Variants in PTPN23 observed in about 807,000 individuals in gnomAD.
PTPN23 encodes protein tyrosine phosphatase non-receptor type 23.
PTPN23 carries 72 observed loss-of-function variants against 156.3 expected under a neutral mutation model. That is an observed-to-expected ratio of 0.46 (90% CI 0.38 to 0.56). The LOEUF (loss-of-function observed/expected upper bound fraction) is 0.56. Ranked by LOEUF, PTPN23 falls within the 20% of genes least tolerant of loss-of-function variation. PTPN23 has a pLI of 0.00. For synonymous variants in PTPN23, 957 were observed against 899.6 expected (o/e 1.06, Z -1.14); for missense variants, 1,974 against 2,171.5 (o/e 0.91, Z 1.81).
chr3:47,391,452 G>A (rs1223289525), intron 1 of PTPN23, among the ~76,000 whole-genome samples: 5 of 152,140 alleles, frequency 3.3e-5, no homozygotes, highest in African/African-American at 2.4e-5. Context: ...TGATAATAGT[G>A]TCTACCTCTT....
intron 21 of PTPN23, 62 bp downstream of exon 21, chr3:47,412,029 G>A (rs1328060492): frequency 3.1e-6 from 5 of 1,607,926 alleles, no homozygotes; most frequent in South Asian, 1.1e-5. Context: ...TTGGTGCTGG[G>A]AGGGATGAGA....
At position 47,412,159 on chromosome 3, in the gene PTPN23, A is replaced by C. The variant is rs1462023084; in HGVS notation, c.4139A>C (p.His1380Pro). ...FIQEVHAHYL[H>P]QRPLHTPIIV... is the part of the protein sequence containing the mutation. Reference sequence around the variant, plus strand: ...CAGGAGGTGCACGCACATTACCTGCATCAGCGGCCGCTGCACACGCCCATC... The same window carrying C: ...CAGGAGGTGCACGCACATTACCTGCCTCAGCGGCCGCTGCACACGCCCATC... The change falls in exon 22 of 25, where the codon CAT becomes CCT. Residue 1380 changes from histidine to proline, a missense_variant. By Grantham distance (77) the His-to-Pro change is moderately conservative. Coordinates refer to ENST00000265562, the MANE Select transcript of PTPN23 (RefSeq NM_015466.4). The C allele has an allele frequency of 1.2e-6, 2 of 1,613,086 alleles. No homozygotes were observed. The highest frequency in any genetic ancestry group is 2.7e-5 in the African/African-American group (2 of 74,936).
intron 1 of PTPN23, among the ~76,000 whole-genome samples, chr3:47,391,655 G>A (rs995559574): frequency 2.6e-5 from 4 of 152,290 alleles, no homozygotes; most frequent in African/African-American, 7.2e-5. Flanking sequence ...GAACAGCAGG[G>A]TCAGATGTTC....
chr3:47,404,988 G>A lies in PTPN23; in HGVS notation c.288-17G>A. 6.2e-7 allele frequency: 1 copy of A among 1,614,108 alleles called. No homozygotes were observed. Among genetic ancestry groups the A allele is most frequent in the Non-Finnish European group, 8.5e-7 (1 of 1,179,954 alleles). On this transcript the variant is annotated splice_polypyrimidine_tract_variant and intron_variant, in intron 3 of 24. Transcript: ENST00000265562. ...CTAGCTCCTGCCCTCGAGATAACTG[G>A]GGTGCCATGTCTGCAGGACAGAGAT...
Position 47,381,199 on chromosome 3 carries a change from T to C in PTPN23, c.84+19T>C. 1 of 1,566,404 alleles carries C rather than the reference T, an allele frequency of 6.4e-7. No homozygotes were observed. The highest frequency in any genetic ancestry group is 8.7e-7 in the Non-Finnish European group (1 of 1,156,012). On this transcript the variant is annotated intron_variant, in intron 1 of 24. Transcript: ENST00000265562. ...GAAGAAGGTGAGCTTGCCTTCCATC[T>C]TCCCCCCTATCCGCCGCGTATCTCC...
Position 47,411,803 on chromosome 3 carries a change from C to A in PTPN23, c.3909C>A (p.Phe1303Leu). 6.2e-7 allele frequency: 1 copy of A among 1,605,272 alleles called. No individual in the cohort carries two copies. The highest frequency in any genetic ancestry group is 8.5e-7 in the Non-Finnish European group (1 of 1,175,298). The change falls in exon 21 of 25, where the codon TTC becomes TTA. Residue 1303 changes from phenylalanine (F) to leucine (L), a missense_variant. By Grantham distance (22) the Phe-to-Leu change is conservative (BLOSUM62 0). Around this residue, in one of 4 missense-constraint regions of PTPN23, gnomAD observed 484 missense variants for 516.0 expected, o/e 0.94. Transcript: ENST00000265562. This position sits in a 1 kb window ranked among gnomAD's most constrained non-coding sequence, Gnocchi z 6.3. The part of the protein sequence containing the change: ...EMEKQKVARY[F>L]PTERGQPMVH... ...CTCAGCAAAAAGTGGCACGCTACTT[C>A]CCCACCGAGAGGGGCCAGCCCATGG...
chr3:47,389,166 C>T (rs1704716846), intron 1 of PTPN23, among the ~76,000 whole-genome samples: 1 of 152,160 alleles, frequency 6.6e-6, no homozygotes, highest in African/African-American at 2.4e-5. Context: ...CGTTCTAATG[C>T]TTGTTAAGTT....
chr3:47,381,308 C>T, intron 1 of PTPN23, 128 bp downstream of exon 1: 1 of 1,322,430 alleles, frequency 7.6e-7, no homozygotes. Flanking sequence ...CCAGGAGGGG[C>T]CTTCGCCGGT....
rs1391758113 is a variant in PTPN23, at chr3:47,411,037, C to G, written c.3239C>G (p.Pro1080Arg). Reference protein sequence around the residue: ...RGPSSAGQSTPSPHLVPSPAP... With the variant: ...RGPSSAGQSTRSPHLVPSPAP... ...CCCTCGTCTGCTGGCCAGTCCACCCCTAGTCCCCACCTGGTGCCTTCACCT... is the reference window on the plus strand; with the variant it reads ...CCCTCGTCTGCTGGCCAGTCCACCCGTAGTCCCCACCTGGTGCCTTCACCT... Residue 1080 changes from proline to arginine, a missense_variant, in exon 20 of 25, where the codon CCT becomes CGT. Physicochemically the swap from Pro to Arg is moderately radical, Grantham distance 103. Transcript: ENST00000265562. This position sits in a 1 kb window ranked among gnomAD's most constrained non-coding sequence, Gnocchi z 6.3. 3 of 1,588,774 alleles carry G rather than the reference C, an allele frequency of 1.9e-6. No homozygotes were observed. The highest frequency in any genetic ancestry group is 2.7e-5 in the African/African-American group (2 of 74,596).
At chr3:47,396,420 C>G (rs1022583874) in intron 2 of PTPN23, 1 of 361,652 alleles carries the variant, frequency 2.8e-6, no homozygotes, top group South Asian at 2.7e-5. Flanking sequence ...ACTAAAAATA[C>G]AAAAATTAGG....
chr3:47,410,517 C>G lies in PTPN23; in HGVS notation c.2719C>G (p.Pro907Ala). The change falls in exon 20 of 25, where the codon CCG becomes GCG. Residue 907 changes from proline (P) to alanine (A), a missense_variant. By Grantham distance (27) the Pro-to-Ala change is conservative. Around this residue, in one of 4 missense-constraint regions of PTPN23, gnomAD observed 731 missense variants for 669.1 expected, o/e 1.09. Coordinates refer to ENST00000265562, the MANE Select transcript of PTPN23 (RefSeq NM_015466.4). ...GCCAAACCCCACCCCTGCTCCTCCCCCGCCCTGCTTCCCTGTGCCCCCACC... is the reference window on the plus strand; with the variant it reads ...GCCAAACCCCACCCCTGCTCCTCCCGCGCCCTGCTTCCCTGTGCCCCCACC... ...PRPNPTPAPP[P>A]PCFPVPPPQP... The G allele has an allele frequency of 6.2e-7, 1 of 1,609,908 alleles. No homozygotes were observed. The highest frequency in any genetic ancestry group is 8.5e-7 in the Non-Finnish European group (1 of 1,178,320).
chr3:47,401,570 C>A (rs541593188), intron 2 of PTPN23, among the ~76,000 whole-genome samples: 1 of 152,056 alleles, frequency 6.6e-6, no homozygotes, highest in Non-Finnish European at 1.5e-5. Flanking sequence ...GTGTGGCTAG[C>A]GCATCACACC....
Position 47,405,659 on chromosome 3 carries a change from G to T in PTPN23, c.365-90G>T. On this transcript the variant is annotated intron_variant, in intron 4 of 24. Transcript: ENST00000265562. The surrounding 1 kb of genome is among the most constrained non-coding windows in gnomAD (Gnocchi z 4.7). ...CTGGTTCTCAGAGCCATGTTGTCCTGATTGTGGATAACAGCAGTGCCCCCT... is the reference window on the plus strand; with the variant it reads ...CTGGTTCTCAGAGCCATGTTGTCCTTATTGTGGATAACAGCAGTGCCCCCT... 1 of 1,334,884 alleles carries T rather than the reference G, an allele frequency of 7.5e-7. No individual in the cohort carries two copies. The highest frequency in any genetic ancestry group is 1.3e-5 in the South Asian group (1 of 78,566). The allele number at this position is 1,334,884 out of a possible 1,614,324, so 82.7% of individuals were successfully genotyped here. A position where few individuals can be genotyped will look rare whatever the true frequency, so the allele number is the denominator to read the frequency against.
intron 2 of PTPN23, among the ~76,000 whole-genome samples, chr3:47,396,743 A>C (rs555590822): frequency 6.6e-6 from 1 of 152,232 alleles, no homozygotes; most frequent in South Asian, 2.1e-4. Flanking sequence ...GCCTCAACAT[A>C]GTGAGGCCCT....
rs933457244 is a variant in PTPN23, at chr3:47,408,888, G to A, written c.1443G>A (p.Gly481=). ...TTCAGGAGGCGGTGGGCCAGGCAGG[G>A]GCCATCTCCATCACCTCCAAGGCTG... is the stretch of plus-strand genomic sequence containing the variant. ...QKFQEAVGQA[G]AISITSKAEL... Residue 481 remains glycine (G), a synonymous_variant, in exon 16 of 25, where the codon GGG becomes GGA. Coordinates refer to ENST00000265562, the MANE Select transcript of PTPN23 (RefSeq NM_015466.4). The A allele has an allele frequency of 3.7e-6, 6 of 1,614,096 alleles. No individual in the cohort carries two copies. In the African/African-American group the frequency reaches 4.0e-5, roughly 11 times the overall value.
At chr3:47,395,482 A>T (rs1431564583) in intron 1 of PTPN23, among the ~76,000 whole-genome samples, 1 of 152,166 alleles carries the variant, frequency 6.6e-6, no homozygotes, top group Non-Finnish European at 1.5e-5. Flanking sequence ...GTGGGTGTGT[A>T]TGCTCACTGT....
chr3:47,400,576 T>C (rs966830239), intron 2 of PTPN23, among the ~76,000 whole-genome samples: 8 of 152,206 alleles, frequency 5.3e-5, no homozygotes, highest in Non-Finnish European at 7.3e-5. Flanking sequence ...TTTATTTTAT[T>C]ATTTATTTAT....
At chr3:47,383,625 T>C (rs1704594630) in intron 1 of PTPN23, among the ~76,000 whole-genome samples, 1 of 152,198 alleles carries the variant, frequency 6.6e-6, no homozygotes. Context: ...TGACCATAAA[T>C]ATATGGGAAT....
rs1215370713 is a variant in PTPN23, at chr3:47,410,160, T to C, written c.2362T>C (p.Ser788Pro). The C allele has an allele frequency of 6.3e-7, 1 of 1,593,144 alleles. No individual in the cohort carries two copies. The highest frequency in any genetic ancestry group is 8.6e-7 in the Non-Finnish European group (1 of 1,168,694). Residue 788 changes from serine (S) to proline (P), a missense_variant, in exon 20 of 25, where the codon TCA becomes CCA. Coordinates refer to ENST00000265562, the MANE Select transcript of PTPN23 (RefSeq NM_015466.4). ...SSTGPGPHYL[S>P]GPLPPGTYSG... ...CACAGGCCCAGGACCCCACTATCTC[T>C]CAGGCCCCTTGCCCCCTGGTACCTA...
Sources: gnomAD v4.1 joint callset for allele counts (sites outside exome capture counted in the v4.1 genomes callset) on GRCh38, gnomAD v4.1.1 for gene constraint, gnomAD v4.1.1 regional missense constraint, Gnocchi (gnomAD v3.1) non-coding constraint, MANE v1.5 for transcripts, NCBI Gene and HGNC (gene_info 2026-07-23, HGNC 2026-07-21) for gene names.